Variants in COL23A1 observed in about 807,000 individuals in gnomAD.
COL23A1 encodes collagen alpha-1(XXIII) chain.
In COL23A1, 97 loss-of-function variants were observed where a neutral mutation model predicts 99.3. That is an observed-to-expected ratio of 0.98 (90% confidence interval 0.83 to 1.16). The LOEUF (loss-of-function observed/expected upper bound fraction) is 1.16. Ranked by LOEUF, COL23A1 falls within the 50% of genes most tolerant of loss-of-function variation. The probability of loss-of-function intolerance (pLI) is 0.00; values close to 1 mark genes in which losing one functional copy is unlikely to be tolerated. For missense variants in COL23A1, 762 were observed against 757.4 expected (o/e 1.01, Z -0.07); for synonymous variants, 320 against 308.2 (o/e 1.04, Z -0.40).
At chr5:178,297,302 C>T (rs1304639107) in intron 3 of COL23A1, among the ~76,000 whole-genome samples, 1 of 152,222 alleles carries the variant, frequency 6.6e-6, no homozygotes, top group East Asian at 1.9e-4. Context: ...GGGTGGATCA[C>T]CTGAGGTCAG....
intron 2 of COL23A1, among the ~76,000 whole-genome samples, chr5:178,400,472 C>CT (rs1561938181): frequency 8.6e-3 from 1 of 116 alleles, no homozygotes; most frequent in Non-Finnish European, 0.015. Flanking sequence ...TCCGTCAGCC[C>CT]CAAACTCCCT....
chr5:178,472,991 C>T (rs1302164943), intron 2 of COL23A1, among the ~76,000 whole-genome samples: 1 of 152,062 alleles, frequency 6.6e-6, no homozygotes, highest in Non-Finnish European at 1.5e-5. Context: ...GATGTGGTCA[C>T]ACGCACCTGT....
At chr5:178,250,312 G>A (rs1764966266) in intron 17 of COL23A1, among the ~76,000 whole-genome samples, 2 of 152,226 alleles carry the variant, frequency 1.3e-5, no homozygotes, top group Non-Finnish European at 2.9e-5. Flanking sequence ...AAGTTGTTAT[G>A]TCACAGATTC....
At chr5:178,494,999 C>A (rs113031401) in intron 2 of COL23A1, among the ~76,000 whole-genome samples, 1 of 152,266 alleles carries the variant, frequency 6.6e-6, no homozygotes, top group African/African-American at 2.4e-5. Flanking sequence ...TAATGACATG[C>A]CCATAGTCAG....
Position 178,434,380 on chromosome 5 carries a change from C to T in COL23A1, c.361+126302G>A, listed in dbSNP as rs1405442891. Among the ~76,000 whole-genome samples, 3 of 152,254 alleles carry T rather than the reference C, an allele frequency of 2.0e-5. No homozygotes were observed. The highest frequency in any genetic ancestry group is 6.5e-5 in the Admixed American group (1 of 15,290). On this transcript the variant is annotated intron_variant, in intron 2 of 28. Coordinates refer to ENST00000390654, the MANE Select transcript of COL23A1 (RefSeq NM_173465.4). The surrounding 1 kb of genome is among the most constrained non-coding windows in gnomAD (Gnocchi z 4.3). Reference sequence around the variant, plus strand: ...ACCACACATGGTCCCACCAGGACAGCGCCCCTGCAGCACGGTGGCCTCGGG... The same window carrying T: ...ACCACACATGGTCCCACCAGGACAGTGCCCCTGCAGCACGGTGGCCTCGGG...
intron 2 of COL23A1, among the ~76,000 whole-genome samples, chr5:178,531,609 C>T (rs974619188): frequency 1.3e-5 from 2 of 152,204 alleles, no homozygotes; most frequent in Non-Finnish European, 2.9e-5. Flanking sequence ...ATTCTGTTCT[C>T]GGCAGCCAAA....
intron 2 of COL23A1, among the ~76,000 whole-genome samples, chr5:178,370,147 C>T (rs1158315441): frequency 1.3e-5 from 2 of 152,198 alleles, no homozygotes. Context: ...ATGCATGACC[C>T]TCTTGAGATG....
intron 2 of COL23A1, among the ~76,000 whole-genome samples, chr5:178,427,478 T>C (rs746643099): frequency 6.6e-6 from 1 of 152,254 alleles, no homozygotes; most frequent in Non-Finnish European, 1.5e-5. Context: ...CAGATGATTA[T>C]AGCAGCTTTA....
chr5:178,535,480 A>G (rs1760887370), intron 2 of COL23A1, among the ~76,000 whole-genome samples: 1 of 152,250 alleles, frequency 6.6e-6, no homozygotes, highest in South Asian at 2.1e-4. Flanking sequence ...GGCGCTCTGT[A>G]TACCGCATGC....
chr5:178,290,080 C>T (rs941414738), intron 4 of COL23A1, among the ~76,000 whole-genome samples: 2 of 152,022 alleles, frequency 1.3e-5, no homozygotes, highest in East Asian at 3.9e-4. Flanking sequence ...TACAGGCACC[C>T]GCCACCACGC....
intron 2 of COL23A1, among the ~76,000 whole-genome samples, chr5:178,401,009 T>C (rs1383793580): frequency 6.6e-6 from 1 of 152,222 alleles, no homozygotes; most frequent in East Asian, 1.9e-4. Context: ...CATTTCCCAT[T>C]TCCCCCAGTG....
chr5:178,507,025 G>C (rs1298987642), intron 2 of COL23A1, among the ~76,000 whole-genome samples: 2 of 152,168 alleles, frequency 1.3e-5, no homozygotes, highest in Non-Finnish European at 2.9e-5. Flanking sequence ...TTGCAGCGTT[G>C]CAAAGCCAGC....
chr5:178,554,689 C>G (rs1025908723), intron 2 of COL23A1, among the ~76,000 whole-genome samples: 3 of 152,166 alleles, frequency 2.0e-5, no homozygotes, highest in Non-Finnish European at 2.9e-5. Context: ...AACCCTCCCC[C>G]ACTTTGTCTC....
At chr5:178,414,590 G>A (rs1264347640) in intron 2 of COL23A1, among the ~76,000 whole-genome samples, 1 of 152,072 alleles carries the variant, frequency 6.6e-6, no homozygotes, top group Non-Finnish European at 1.5e-5. Flanking sequence ...TGGCCAACAG[G>A]GTGAAACCCC....
chr5:178,570,758 G>C (rs1217135737), intron 1 of COL23A1, among the ~76,000 whole-genome samples: 1 of 152,162 alleles, frequency 6.6e-6, no homozygotes, highest in African/African-American at 2.4e-5. Flanking sequence ...CACATGGAGG[G>C]GGGACGCGGG....
intron 2 of COL23A1, among the ~76,000 whole-genome samples, chr5:178,393,652 C>CT (rs36102461): frequency 0.3 from 43,009 of 143,060 alleles, 7,962 homozygotes; most frequent in African/African-American, 0.54. Flanking sequence ...CCCTCTTTTC[C>CT]TTTTTTTTTT....
intron 5 of COL23A1, among the ~76,000 whole-genome samples, 157 bp downstream of exon 5, chr5:178,288,167 C>T (rs917345271): frequency 1.3e-5 from 2 of 152,186 alleles, no homozygotes; most frequent in African/African-American, 2.4e-5. Context: ...CAGCCTTTAC[C>T]TCCCCAGAGC....
rs1230498538 is a variant in COL23A1 at position 178,237,727 on chromosome 5, G to C, written c.*971C>G. Reference sequence around the variant, plus strand: ...GGGAACACTTGCTGGAGGTGGAAAAGCCTCTCGTCAGAGCGTGGGTGGGTC... The same window carrying C: ...GGGAACACTTGCTGGAGGTGGAAAACCCTCTCGTCAGAGCGTGGGTGGGTC... On this transcript the variant is annotated 3_prime_UTR_variant, in exon 29 of 29. Transcript: ENST00000390654. The C allele has an allele frequency of 6.6e-6, 1 of 152,634 alleles. No homozygotes were observed. The highest frequency in any genetic ancestry group is 1.5e-5 in the Non-Finnish European group (1 of 68,110). The allele number at this position is 152,634 out of a possible 1,614,324, so 9.5% of individuals were successfully genotyped here. A position where few individuals can be genotyped will look rare whatever the true frequency, so the allele number is the denominator to read the frequency against.
At chr5:178,356,067 G>C (rs961302271) in intron 2 of COL23A1, among the ~76,000 whole-genome samples, 3 of 152,370 alleles carry the variant, frequency 2.0e-5, no homozygotes, top group African/African-American at 7.2e-5. Context: ...GCACGCTGCA[G>C]CATGGATGAA....
Sources: allele counts gnomAD v4.1 joint callset (sites outside exome capture counted in the v4.1 genomes callset), GRCh38; gene constraint gnomAD v4.1.1; non-coding constraint Gnocchi (gnomAD v3.1); transcripts MANE v1.5; gene names NCBI Gene and HGNC (gene_info 2026-07-23, HGNC 2026-07-21).